The following CDIN1 variants were observed in gnomAD, a reference collection of about 807,000 sequenced individuals.
CDIN1 encodes the protein CDAN1 interacting nuclease 1.
CDIN1 carries 33 observed loss-of-function variants against 45.3 expected under a neutral mutation model. The ratio of observed to expected loss-of-function variants is 0.73; its 90% CI spans 0.55 to 0.97. The LOEUF (loss-of-function observed/expected upper bound fraction) is 0.97, where lower values mean the gene tolerates loss of function less well. Ranked by LOEUF, CDIN1 falls within the 50% of genes least tolerant of loss-of-function variation. CDIN1 has a pLI of 0.00. For missense variants in CDIN1, 303 were observed against 339.4 expected, an observed-to-expected ratio of 0.89 and a Z score of 0.84; for synonymous variants, 118 against 124.4, an observed-to-expected ratio of 0.95 and a Z score of 0.34.
At chr15:36,598,891 ATTTC>A (rs1251919147) in intron 1 of CDIN1, among the ~76,000 whole-genome samples, 1 of 151,604 alleles carries the variant, frequency 6.6e-6, no homozygotes, top group East Asian at 1.9e-4. Context: ...GAATGTATAC[ATTTC>A]TTTCTTTTGC....
At chr15:36,687,780 C>T (rs2042112866) in intron 5 of CDIN1, among the ~76,000 whole-genome samples, 1 of 151,954 alleles carries the variant, frequency 6.6e-6, no homozygotes, top group Non-Finnish European at 1.5e-5. Context: ...CATATCTGAA[C>T]CTTGCAGCTC....
chr15:36,655,364 G>A (rs768944579), intron 4 of CDIN1, among the ~76,000 whole-genome samples: 1 of 135,978 alleles, frequency 7.4e-6, no homozygotes, highest in East Asian at 2.2e-4. Context: ...GTCTCACTCT[G>A]TTGCCAGGCT....
chr15:36,618,437 TCGAAGATGACGACAAGATG>T (rs2038998418), intron 1 of CDIN1: 1 of 837,166 alleles, frequency 1.2e-6, no homozygotes, highest in Non-Finnish European at 2.1e-6. Flanking sequence ...TTTTCAGAGG[TCGAAGATGACGACAAGATG>T]TCAATCTCAA....
chr15:36,646,404 A>G (rs4924092), intron 3 of CDIN1, among the ~76,000 whole-genome samples: 145,192 of 152,196 alleles, frequency 0.95, 69,262 homozygotes, highest in East Asian at 1. Context: ...GAAAGATAAC[A>G]TGCACTCATT....
In CDIN1 at chr15:36,751,599, A is replaced by G. The variant is rs151220656; in HGVS notation, c.716+41638A>G. 3.5e-3 allele frequency among the ~76,000 whole-genome samples: 539 copies of G among 152,186 alleles called. 6 individuals are homozygous for G. Among genetic ancestry groups the G allele is most frequent in the African/African-American group, 9.1e-3 (379 of 41,546 alleles). On this transcript the variant is annotated intron_variant, in intron 10 of 10. Coordinates refer to ENST00000566621, the MANE Select transcript of CDIN1 (RefSeq NM_001321759.2). ...GACAGTACAGTGTGGCGATTACTCA[A>G]TGATCTAGAAGTAGAAATACCATTT... is the stretch of plus-strand genomic sequence containing the variant.
chr15:36,628,715 G>A (rs750444402), intron 1 of CDIN1, among the ~76,000 whole-genome samples: 9 of 152,310 alleles, frequency 5.9e-5, no homozygotes, highest in Non-Finnish European at 1.3e-4. Flanking sequence ...TTTAAGGCCA[G>A]AGGGTGGATG....
At chr15:36,731,952 T>C (rs1321125078) in intron 10 of CDIN1, among the ~76,000 whole-genome samples, 2 of 152,198 alleles carry the variant, frequency 1.3e-5, no homozygotes, top group Non-Finnish European at 2.9e-5. Flanking sequence ...ATAAATATCT[T>C]AATGCTATTA....
At chr15:36,725,094 G>A (rs75501875) in intron 10 of CDIN1, among the ~76,000 whole-genome samples, 1,571 of 152,132 alleles carry the variant, frequency 0.01, 24 homozygotes, top group African/African-American at 0.036. Flanking sequence ...GCTTGTTGAC[G>A]TATTTTGACA....
At chr15:36,796,453 A>G (rs977939347) in intron 10 of CDIN1, among the ~76,000 whole-genome samples, 5 of 152,334 alleles carry the variant, frequency 3.3e-5, no homozygotes, top group East Asian at 1.9e-4. Flanking sequence ...GAAAAAAATT[A>G]CAAAGCCCAG....
At chr15:36,780,841 C>CA (rs1162806167) in intron 10 of CDIN1, among the ~76,000 whole-genome samples, 1 of 152,144 alleles carries the variant, frequency 6.6e-6, no homozygotes, top group East Asian at 1.9e-4. Context: ...AACACACGTC[C>CA]AACTCCAAGG....
intron 10 of CDIN1, among the ~76,000 whole-genome samples, chr15:36,783,901 T>C (rs1396661386): frequency 1.3e-5 from 2 of 152,188 alleles, no homozygotes; most frequent in African/African-American, 4.8e-5. Flanking sequence ...GATCAGCAAG[T>C]AACTCTAAAT....
At chr15:36,613,563 TC>T in intron 1 of CDIN1, 2 of 1,500,612 alleles carry the variant, frequency 1.3e-6, no homozygotes, top group Non-Finnish European at 1.8e-6. Flanking sequence ...GCTGAGCGCC[TC>T]CAGCAAGAAG....
intron 1 of CDIN1, among the ~76,000 whole-genome samples, chr15:36,589,647 A>G (rs1210466071): frequency 6.6e-6 from 1 of 151,986 alleles, no homozygotes; most frequent in African/African-American, 2.4e-5. Context: ...CTGGGACTAC[A>G]GGCGCCCGCC....
intron 10 of CDIN1, among the ~76,000 whole-genome samples, chr15:36,801,866 T>C (rs1051533762): frequency 2.6e-5 from 4 of 152,212 alleles, no homozygotes; most frequent in Admixed American, 6.5e-5. Flanking sequence ...AATGTGGTGA[T>C]ACTTAAATTG....
At chr15:36,645,493 C>CT (rs907265061) in intron 3 of CDIN1, among the ~76,000 whole-genome samples, 2 of 85,240 alleles carry the variant, frequency 2.3e-5, no homozygotes, top group Admixed American at 1.5e-4. Flanking sequence ...GCTGTCTTGA[C>CT]TTGTGTGTGT....
intron 10 of CDIN1, among the ~76,000 whole-genome samples, chr15:36,764,769 C>A (rs1265204201): frequency 2.6e-5 from 4 of 152,154 alleles, no homozygotes; most frequent in Admixed American, 2.0e-4. Context: ...TAAGATGTAT[C>A]CATGGGGCTC....
intron 10 of CDIN1, chr15:36,799,468 G>A (rs957684412): frequency 2.0e-5 from 3 of 151,846 alleles, no homozygotes; most frequent in Non-Finnish European, 4.4e-5. Context: ...TAAGTCTCTC[G>A]GGACCCCTAA....
intron 10 of CDIN1, among the ~76,000 whole-genome samples, chr15:36,744,196 G>A (rs2044339657): frequency 6.6e-6 from 1 of 152,186 alleles, no homozygotes; most frequent in Non-Finnish European, 1.5e-5. Context: ...CTTCAGTGGA[G>A]ACAGCAACAG....
chr15:36,714,204 A>G (rs1011854756), intron 10 of CDIN1, among the ~76,000 whole-genome samples: 4 of 152,168 alleles, frequency 2.6e-5, no homozygotes, highest in African/African-American at 9.7e-5. Flanking sequence ...TTGCAGTCCT[A>G]TTTCATGAAA....
Sources: gnomAD v4.1 joint callset for allele counts (sites outside exome capture counted in the v4.1 genomes callset) on GRCh38, gnomAD v4.1.1 for gene constraint, MANE v1.5 for transcripts, NCBI Gene and HGNC (gene_info 2026-07-23, HGNC 2026-07-21) for gene names.